Variants in SKA2 observed in about 807,000 individuals in gnomAD.
SKA2 encodes spindle and kinetochore associated complex subunit 2.
In SKA2, 13 loss-of-function variants were observed where a neutral mutation model predicts 16.9. The ratio of observed to expected loss-of-function variants is 0.77; its 90% confidence interval spans 0.50 to 1.22. SKA2 has a LOEUF of 1.22. Among genes scored for constraint, SKA2 ranks in the 50% most tolerant of loss-of-function variants. The probability of loss-of-function intolerance (pLI) is 0.00; values close to 1 mark genes in which losing one functional copy is unlikely to be tolerated. For missense variants in SKA2, 107 were observed against 139.7 expected (o/e 0.77, Z 1.18); for synonymous variants, 47 against 48.5 (o/e 0.97, Z 0.13).
chr17:59,119,539 T>C, intron 2 of SKA2, 44 bp from the exon 3 acceptor site: 1 of 1,556,808 alleles, frequency 6.4e-7, no homozygotes, highest in East Asian at 2.2e-5. Flanking sequence ...TATGAAAGAT[T>C]AAACTTTTTA....
chr17:59,129,378 C>CACACAG (rs1887340813), intron 2 of SKA2: 2 of 153,222 alleles, frequency 1.3e-5, no homozygotes, highest in South Asian at 2.1e-4. Flanking sequence ...CACACACACA[C>CACACAG]ACACACACAC....
chr17:59,111,521 A>C lies in SKA2; in HGVS notation c.*756T>G, dbSNP rs1269311136. 3 of 152,230 alleles carry C rather than the reference A, an allele frequency of 2.0e-5. No individual in the cohort carries two copies. Among genetic ancestry groups the C allele is most frequent in the African/African-American group, 7.2e-5 (3 of 41,472 alleles). The allele number at this position is 152,230 out of a possible 1,614,324, so 9.4% of individuals were successfully genotyped here. On this transcript the variant is annotated 3_prime_UTR_variant, in exon 4 of 4. Transcript: ENST00000330137. ...TATAACACACTCACGCAAAACTGGC[A>C]AGTAGCAGATAAGTGCTCTTCTAAT...
rs868521731 is a variant in SKA2, at chr17:59,112,098, T to A, written c.*179A>T. The A allele has an allele frequency of 6.9e-6, 4 of 582,760 alleles. No individual in the cohort carries two copies. In the South Asian group the frequency reaches 9.4e-5, roughly 14 times the overall value. The allele number at this position is 582,760 out of a possible 1,614,324, so 36.1% of individuals were successfully genotyped here. On this transcript the variant is annotated 3_prime_UTR_variant, in exon 4 of 4. Coordinates refer to ENST00000330137, the MANE Select transcript of SKA2 (RefSeq NM_182620.4). Reference sequence around the variant, plus strand: ...TCCTTTTGGCTGAACTTTATTCATATATTATCTGCCCTTCTTCTTATAATC... The same window carrying A: ...TCCTTTTGGCTGAACTTTATTCATAAATTATCTGCCCTTCTTCTTATAATC...
At chr17:59,130,046 G>T (rs1409305123) in intron 2 of SKA2, among the ~76,000 whole-genome samples, 1 of 134,152 alleles carries the variant, frequency 7.5e-6, no homozygotes, top group Non-Finnish European at 1.6e-5. Flanking sequence ...AGGCGGGGGG[G>T]AGAGAGAGAA....
chr17:59,110,925 CTG>C lies in SKA2; in HGVS notation c.*1350_*1351del, dbSNP rs1432378568. 3 of 151,444 alleles carry C rather than the reference CTG, an allele frequency of 2.0e-5. No homozygotes were observed. The highest frequency in any genetic ancestry group is 2.1e-4 in the South Asian group (1 of 4,800). 9.4% of individuals were successfully genotyped at this position (151,444 alleles called of 1,614,324 possible). ...TGTTAATGGACAAACATGTTCATAA[CTG>C]AAATTTTAAAATTACATAAAAGTAT... On this transcript the variant is annotated 3_prime_UTR_variant, in exon 4 of 4. Transcript: ENST00000330137.
chr17:59,116,900 C>T (rs933035190), intron 3 of SKA2, among the ~76,000 whole-genome samples: 3 of 148,070 alleles, frequency 2.0e-5, no homozygotes, highest in African/African-American at 7.5e-5. Context: ...TCACTGCAAC[C>T]TCCGCCTCCC....
chr17:59,155,124 C>T lies in SKA2; in HGVS notation c.33+7G>A. Reference sequence around the variant, plus strand: ...TACCCAGTAGATCTCCTTCACTTTGCACTCACCATCAGTTCCAGCTTATCG... The same window carrying T: ...TACCCAGTAGATCTCCTTCACTTTGTACTCACCATCAGTTCCAGCTTATCG... On this transcript the variant is annotated splice_region_variant and intron_variant, in intron 1 of 3. Transcript: ENST00000330137. The T allele has an allele frequency of 6.2e-7, 1 of 1,614,038 alleles. No homozygotes were observed. Among genetic ancestry groups the T allele is most frequent in the Non-Finnish European group, 8.5e-7 (1 of 1,179,900 alleles).
At chr17:59,145,476 G>A (rs968365725) in intron 1 of SKA2, among the ~76,000 whole-genome samples, 3 of 151,834 alleles carry the variant, frequency 2.0e-5, no homozygotes, top group Non-Finnish European at 2.9e-5. Flanking sequence ...CATCTTTCAA[G>A]TCTCAGATTA....
intron 3 of SKA2, 113 bp from the exon 4 acceptor site, chr17:59,112,458 A>T: frequency 1.4e-6 from 1 of 709,212 alleles, no homozygotes; most frequent in South Asian, 2.0e-5. Flanking sequence ...TATACTATGT[A>T]TGTAATCACA....
At chr17:59,129,241 T>C (rs2046392923) in intron 2 of SKA2, 2 of 151,976 alleles carry the variant, frequency 1.3e-5, no homozygotes, top group Admixed American at 1.3e-4. Context: ...TCCAGGCACT[T>C]GGCGGACTGA....
intron 1 of SKA2, among the ~76,000 whole-genome samples, chr17:59,154,592 G>T (rs371591173): frequency 6.6e-6 from 1 of 152,266 alleles, no homozygotes; most frequent in East Asian, 1.9e-4. Context: ...AACAGAAACG[G>T]GTTCCTTGGC....
intron 1 of SKA2, among the ~76,000 whole-genome samples, chr17:59,154,514 G>A (rs1292324920): frequency 6.6e-6 from 1 of 152,218 alleles, no homozygotes; most frequent in South Asian, 2.1e-4. Flanking sequence ...TCCGGGAGCG[G>A]AGCTCGTGGT....
chr17:59,123,143 T>G (rs2046347309), intron 2 of SKA2, among the ~76,000 whole-genome samples: 1 of 151,298 alleles, frequency 6.6e-6, no homozygotes, highest in Non-Finnish European at 1.5e-5. Context: ...AGACACAGTA[T>G]TCAATAGGGC....
chr17:59,138,730 C>A (rs1401406692), intron 1 of SKA2, among the ~76,000 whole-genome samples: 2 of 152,106 alleles, frequency 1.3e-5, no homozygotes, highest in Non-Finnish European at 2.9e-5. Flanking sequence ...CCGCGCCCAG[C>A]CTGTTCTAGT....
Position 59,150,573 on chromosome 17 carries a change from C to T in SKA2, c.33+4558G>A, listed in dbSNP as rs558949670. ...GCAACACAGTGAGACCCTGTCTCCA[C>T]AAAAAATTTCAAGAAAATATTAGCC... is the stretch of plus-strand genomic sequence containing the variant. On this transcript the variant is annotated intron_variant, in intron 1 of 3. Coordinates refer to ENST00000330137, the MANE Select transcript of SKA2 (RefSeq NM_182620.4). Among the ~76,000 whole-genome samples the T allele has an allele frequency of 3.5e-4, 53 of 152,150 alleles. 1 individual carries two copies. In the South Asian group the frequency reaches 0.011, roughly 31 times the overall value.
chr17:59,144,141 C>T (rs1323225546), intron 1 of SKA2, among the ~76,000 whole-genome samples: 7 of 151,832 alleles, frequency 4.6e-5, no homozygotes, highest in Admixed American at 6.6e-5. Flanking sequence ...TGCAGTAAGC[C>T]GAGATCGCGC....
chr17:59,136,895 G>GA (rs1487664856), intron 1 of SKA2, among the ~76,000 whole-genome samples: 1 of 152,170 alleles, frequency 6.6e-6, no homozygotes, highest in African/African-American at 2.4e-5. Context: ...TTATAAATGA[G>GA]AAAATAGCAA....
chr17:59,145,059 A>G (rs907696688), intron 1 of SKA2, among the ~76,000 whole-genome samples: 9 of 152,178 alleles, frequency 5.9e-5, no homozygotes, highest in African/African-American at 2.2e-4. Context: ...TGGCCTCCCA[A>G]AGTGCTGGGA....
chr17:59,149,419 T>C (rs1053186238), intron 1 of SKA2, among the ~76,000 whole-genome samples: 1 of 152,062 alleles, frequency 6.6e-6, no homozygotes, highest in Non-Finnish European at 1.5e-5. Flanking sequence ...TGAGGTGGGA[T>C]TGCTTGAGCC....
Sources: allele counts gnomAD v4.1 joint callset (sites outside exome capture counted in the v4.1 genomes callset), GRCh38; gene constraint gnomAD v4.1.1; transcripts MANE v1.5; gene names NCBI Gene and HGNC (gene_info 2026-07-23, HGNC 2026-07-21).